HMG20A: variants seen among roughly 807,000 people sequenced by gnomAD.
HMG20A encodes the protein high mobility group protein 20A.
In HMG20A, 17 loss-of-function variants were observed where a neutral mutation model predicts 43.9. The observed-to-expected ratio is 0.39, with a 90% confidence interval of 0.27 to 0.58. The LOEUF is 0.58. HMG20A is among the 20% of genes least tolerant of loss of function. HMG20A has a pLI of 0.59. For synonymous variants in HMG20A, 132 were observed against 147.5 expected (o/e 0.89, Z 0.76); for missense variants, 341 against 438.2 (o/e 0.78, Z 1.98).
chr15:77,473,874 A>G (rs763748397), intron 6 of HMG20A, among the ~76,000 whole-genome samples: 6 of 152,240 alleles, frequency 3.9e-5, no homozygotes, highest in Non-Finnish European at 8.8e-5. Flanking sequence ...ATGTGTTGGT[A>G]TGGCCACAGC....
chr15:77,473,790 CA>C (rs35534006), intron 6 of HMG20A, among the ~76,000 whole-genome samples: 12,115 of 151,724 alleles, frequency 0.08, 591 homozygotes, highest in Non-Finnish European at 0.1. Context: ...TTAAACCAAA[CA>C]AAAAAAAGGA....
chr15:77,478,407 G>A lies in HMG20A; in HGVS notation c.804G>A (p.Glu268=), dbSNP rs753840346. The change falls in exon 8 of 10, where the codon GAG becomes GAA. Residue 268 remains glutamate, a synonymous_variant. Coordinates refer to ENST00000336216, the MANE Select transcript of HMG20A (RefSeq NM_001304504.2). ...ESMRTAVEKL[E]VDVIQERSRN... ...TGCGCACAGCAGTGGAGAAGCTGGA[G>A]GTGGATGTGATCCAGGAGCGGAGCC... 5.6e-6 allele frequency: 9 copies of A among 1,613,224 alleles called. No individual in the cohort carries two copies. In the African/African-American group the frequency reaches 1.2e-4, roughly 22 times the overall value.
intron 1 of HMG20A, among the ~76,000 whole-genome samples, chr15:77,432,297 A>G (rs929617020): frequency 5.9e-5 from 9 of 152,258 alleles, no homozygotes; most frequent in African/African-American, 2.2e-4. Context: ...CCTTAAATGC[A>G]TATATTAGAA....
intron 1 of HMG20A, among the ~76,000 whole-genome samples, chr15:77,452,984 T>G (rs1394404167): frequency 2.6e-5 from 4 of 152,200 alleles, no homozygotes; most frequent in African/African-American, 9.7e-5. Context: ...CTCAACACTT[T>G]GGGAGACTGA....
rs372017125 is a variant in HMG20A at position 77,467,193 on chromosome 15, G to A, written c.336G>A (p.Arg112=). 32 of 1,613,992 alleles carry A rather than the reference G, an allele frequency of 2.0e-5. No homozygotes were observed. The Admixed American group carries it at 2.2e-4, about 11-fold the overall frequency. Reference sequence around the variant, plus strand: ...AATCCCCCCTTACAGGATATGTTCGGTTCATGAATGAGCGTCGAGAACAAC... The same window carrying A: ...AATCCCCCCTTACAGGATATGTTCGATTCATGAATGAGCGTCGAGAACAAC... ...APKSPLTGYV[R]FMNERREQLR... Residue 112 remains arginine (R), a synonymous_variant, in exon 4 of 10, where the codon CGG becomes CGA. Transcript: ENST00000336216.
At chr15:77,500,861 G>A in the HMG20A span, among the ~76,000 whole-genome samples, 1 of 150,888 alleles carries the variant, frequency 6.6e-6, no homozygotes, top group Non-Finnish European at 1.5e-5. Context: ...GAGCCACCGC[G>A]CCTGGCCCTC....
chr15:77,492,384 C>T, the HMG20A span, among the ~76,000 whole-genome samples: 3 of 152,104 alleles, frequency 2.0e-5, no homozygotes, highest in South Asian at 2.1e-4. Context: ...AAAAGAAATG[C>T]AAATTTTCAA....
intron 1 of HMG20A, among the ~76,000 whole-genome samples, chr15:77,421,580 A>G (rs922685167): frequency 1.3e-5 from 2 of 152,248 alleles, no homozygotes; most frequent in East Asian, 1.9e-4. Flanking sequence ...CTGCCTTGAC[A>G]TGCAACAGGA....
chr15:77,501,435 C>T, the HMG20A span, among the ~76,000 whole-genome samples: 17 of 152,334 alleles, frequency 1.1e-4, no homozygotes, highest in South Asian at 1.2e-3. Flanking sequence ...TGACTCCTCT[C>T]CCTCGGCTTC....
chr15:77,449,944 ACCTATTCAT>A (rs144209455), intron 1 of HMG20A, among the ~76,000 whole-genome samples: 3,432 of 152,178 alleles, frequency 0.023, 103 homozygotes, highest in African/African-American at 0.072. Context: ...GCCGTGTTCC[ACCTATTCAT>A]CCTACTCCCC....
At chr15:77,513,135 C>T in the HMG20A span, among the ~76,000 whole-genome samples, 1 of 152,166 alleles carries the variant, frequency 6.6e-6, no homozygotes, top group South Asian at 2.1e-4. Flanking sequence ...TGGATAGGAC[C>T]CTTTCGATAT....
At chr15:77,459,115 G>A (rs2072682558) in intron 2 of HMG20A, among the ~76,000 whole-genome samples, 1 of 152,206 alleles carries the variant, frequency 6.6e-6, no homozygotes, top group African/African-American at 2.4e-5. Flanking sequence ...AGACTGAAGT[G>A]CTAGCTAATC....
chr15:77,444,581 T>A (rs1463838264), intron 1 of HMG20A, among the ~76,000 whole-genome samples: 1 of 152,228 alleles, frequency 6.6e-6, no homozygotes, highest in Non-Finnish European at 1.5e-5. Context: ...TCTAACCACT[T>A]GTTCTGAATT....
chr15:77,502,393 CTCTA>C, the HMG20A span, among the ~76,000 whole-genome samples: 1 of 152,244 alleles, frequency 6.6e-6, no homozygotes, highest in Non-Finnish European at 1.5e-5. Flanking sequence ...CTCTGCTCCT[CTCTA>C]TCTAAATCCT....
intron 2 of HMG20A, among the ~76,000 whole-genome samples, chr15:77,459,413 A>G (rs2072685571): frequency 1.3e-5 from 2 of 152,226 alleles, no homozygotes. Flanking sequence ...TTCAAATTCT[A>G]CTTGTTGAGT....
intron 1 of HMG20A, among the ~76,000 whole-genome samples, chr15:77,448,742 C>A (rs1213542795): frequency 6.6e-6 from 1 of 152,058 alleles, no homozygotes; most frequent in Non-Finnish European, 1.5e-5. Context: ...ATGAATGGAT[C>A]AGTTTCTCTA....
chr15:77,444,852 T>C (rs1430644737), intron 1 of HMG20A, among the ~76,000 whole-genome samples: 4 of 152,234 alleles, frequency 2.6e-5, no homozygotes, highest in Admixed American at 2.0e-4. Context: ...GTTGTGCCTA[T>C]TCATCTTGTG....
intron 1 of HMG20A, among the ~76,000 whole-genome samples, chr15:77,436,714 C>T (rs2073552839): frequency 6.6e-6 from 1 of 152,294 alleles, no homozygotes; most frequent in South Asian, 2.1e-4. Flanking sequence ...CTGCCTCAGC[C>T]TCCCAAAGTG....
the HMG20A span, among the ~76,000 whole-genome samples, chr15:77,514,778 C>T: frequency 2.0e-5 from 3 of 152,144 alleles, no homozygotes; most frequent in Non-Finnish European, 4.4e-5. Flanking sequence ...TCTCTGGCTA[C>T]AGAGGGCGCA....
Sources: gnomAD v4.1 joint callset for allele counts (sites outside exome capture counted in the v4.1 genomes callset) on GRCh38, gnomAD v4.1.1 for gene constraint, MANE v1.5 for transcripts, NCBI Gene and HGNC (gene_info 2026-07-23, HGNC 2026-07-21) for gene names.